The following ATP1B4 variants were observed in gnomAD, a reference collection of about 807,000 sequenced individuals.
The protein encoded by ATP1B4 is protein ATP1B4.
In ATP1B4, 32 loss-of-function variants were observed where a neutral mutation model predicts 29.6. That is an observed-to-expected ratio of 1.08 (90% confidence interval 0.82 to 1.45). The LOEUF (loss-of-function observed/expected upper bound fraction) is 1.45, where lower values mean the gene tolerates loss of function less well. Ranked by LOEUF, ATP1B4 falls within the 40% of genes most tolerant of loss-of-function variation. The pLI, the probability that ATP1B4 is intolerant of heterozygous loss-of-function variation, is 0.00. For synonymous variants in ATP1B4, 127 were observed against 102.1 expected (o/e 1.24, Z -1.47); for missense variants, 323 against 276.2 (o/e 1.17, Z -1.20).
rs1000848189 is a variant in ATP1B4 at position 120,378,769 on chromosome X, C to T, written c.908C>T (p.Thr303Ile). 8.3e-7 allele frequency: 1 copy of T among 1,204,880 alleles called. No individual in the cohort carries two copies. Among genetic ancestry groups the T allele is most frequent in the African/African-American group, 1.7e-5 (1 of 57,619 alleles). ...TACTACCCTTACTACGGCAAACTGA[C>T]TCACGTAAGCTGTATTCCCTTTAGT... ...LRYYPYYGKL[T>I]HVNYTSPLVA... The change falls in exon 7 of 8, where the codon ACT becomes ATT. Residue 303 changes from threonine to isoleucine, a missense_variant. Thr to Ile is a moderately conservative substitution (Grantham distance 89). Transcript: ENST00000218008.
chrX:120,365,480 G>C (rs892296006), intron 1 of ATP1B4, among the ~76,000 whole-genome samples: 3 of 112,241 alleles, frequency 2.7e-5, no homozygotes, highest in African/African-American at 3.2e-5. Flanking sequence ...AGGCCGGGAG[G>C]GGGCAGCACA....
At position 120,379,578 on chromosome X, in the gene ATP1B4, G is replaced by A; in HGVS notation, c.1018G>A (p.Val340Ile). ...GAAGGGCAAAGGCGTCATAAATGAT[G>A]TCATCAATGATCGTTTTGTGGGCAG... ...QLKGKGVIND[V>I]INDRFVGRVI... The change falls in exon 8 of 8, where the codon GTC becomes ATC. Residue 340 changes from valine (V) to isoleucine (I), a missense_variant. By Grantham distance (29) the Val-to-Ile change is conservative. Transcript: ENST00000218008. 1.7e-6 allele frequency: 2 copies of A among 1,210,984 alleles called. No homozygotes were observed. The highest frequency in any genetic ancestry group is 2.2e-6 in the Non-Finnish European group (2 of 895,084).
chrX:120,376,577 T>C, intron 6 of ATP1B4, 141 bp downstream of exon 6: 1 of 513,701 alleles, frequency 1.9e-6, no homozygotes, highest in Non-Finnish European at 3.2e-6. Flanking sequence ...CTTTAGTTCC[T>C]TCAGGTTTTC....
chrX:120,376,220 G>A (rs2058354239), intron 5 of ATP1B4, among the ~76,000 whole-genome samples, 160 bp from the exon 6 acceptor site: 1 of 111,532 alleles, frequency 9.0e-6, no homozygotes, highest in Non-Finnish European at 1.9e-5. Context: ...CTCTGAAGAT[G>A]TTTTTCATTT....
At position 120,366,819 on chromosome X, in the gene ATP1B4, CTGGTGTCCTT is replaced by C. The variant is rs758675268; in HGVS notation, c.328+33_328+42del. 7.5e-6 allele frequency: 9 copies of C among 1,192,453 alleles called. No individual in the cohort carries two copies. The South Asian group carries it at 1.7e-4, about 22-fold the overall frequency. On this transcript the variant is annotated intron_variant, in intron 2 of 7. Transcript: ENST00000218008. ...GTCCCAATAGTCCCAATGCCAAAGT[CTGGTGTCCTT>C]TGCTTTTGGTGTGGTGTTCAGGGCT...
At chrX:120,367,624 G>GA (rs1336751684) in intron 2 of ATP1B4, among the ~76,000 whole-genome samples, 1 of 111,072 alleles carries the variant, frequency 9.0e-6, no homozygotes, top group Non-Finnish European at 1.9e-5. Context: ...TGCTGGTTTG[G>GA]AAATCAGTCA....
In ATP1B4 at chrX:120,375,514, C is replaced by G; in HGVS notation, c.705C>G (p.Asp235Glu). 8.3e-7 allele frequency: 1 copy of G among 1,210,946 alleles called. No homozygotes were observed. The highest frequency in any genetic ancestry group is 1.8e-5 in the South Asian group (1 of 56,859). The change falls in exon 5 of 8, where the codon GAC becomes GAG. Residue 235 changes from aspartate to glutamate, a missense_variant. Physicochemically the swap from Asp to Glu is conservative, Grantham distance 45 (BLOSUM62 2). Transcript: ENST00000218008. ...TAAAGAACTGCTCTGGTCTGGAGGA[C>G]CCAACTTTTGGATACTCTACTGGAC... ...SFLKNCSGLE[D>E]PTFGYSTGQP...
At chrX:120,378,947 T>C (rs909337448) in intron 7 of ATP1B4, among the ~76,000 whole-genome samples, 174 bp downstream of exon 7, 1 of 111,047 alleles carries the variant, frequency 9.0e-6, no homozygotes, top group Non-Finnish European at 1.9e-5. Flanking sequence ...CCTTTCCATA[T>C]CTGAAAGAAT....
intron 6 of ATP1B4, among the ~76,000 whole-genome samples, chrX:120,377,728 T>A (rs1180374277): frequency 8.9e-6 from 1 of 111,768 alleles, no homozygotes; most frequent in East Asian, 2.8e-4. Context: ...TATGTCCTTT[T>A]AAAAAATATA....
chrX:120,375,689 GTATCATAAATACAAATAAC>G, intron 5 of ATP1B4, 121 bp downstream of exon 5: 7 of 546,977 alleles, frequency 1.3e-5, no homozygotes, highest in Non-Finnish European at 1.7e-5. Flanking sequence ...TTTTCTGACA[GTATCATAAATACAAATAAC>G]CAGATAAACC....
At position 120,378,709 on chromosome X, in the gene ATP1B4, G is replaced by C; in HGVS notation, c.848G>C (p.Ser283Thr). 6 of 1,211,199 alleles carry C rather than the reference G, an allele frequency of 5.0e-6. No homozygotes were observed. Among genetic ancestry groups the C allele is most frequent in the Non-Finnish European group, 6.7e-6 (6 of 895,204 alleles). ...GATGAAAATGACATCCGATCCATCA[G>C]TTACTACCCAGAGTCGGCTTCTTTT... ...RGDENDIRSI[S>T]YYPESASFDL... is the part of the protein sequence containing the mutation. Residue 283 changes from serine to threonine, a missense_variant, in exon 7 of 8, where the codon AGT (serine) becomes ACT (threonine). By Grantham distance (58) the Ser-to-Thr change is moderately conservative (BLOSUM62 1). Transcript: ENST00000218008.
intron 4 of ATP1B4, among the ~76,000 whole-genome samples, chrX:120,371,810 A>C (rs1051984769): frequency 4.5e-5 from 5 of 112,082 alleles, no homozygotes; most frequent in African/African-American, 1.6e-4. Context: ...CTGGGACTAC[A>C]TGTGCGTGCC....
intron 5 of ATP1B4, 100 bp downstream of exon 5, chrX:120,375,668 G>A (rs2058350262): frequency 2.8e-6 from 2 of 703,800 alleles, no homozygotes; most frequent in Admixed American, 3.4e-5. Flanking sequence ...ACACACCACA[G>A]GTTTGGCCAT....
At chrX:120,367,244 A>G (rs1270824589) in intron 2 of ATP1B4, among the ~76,000 whole-genome samples, 2 of 111,977 alleles carry the variant, frequency 1.8e-5, no homozygotes, top group Non-Finnish European at 3.8e-5. Flanking sequence ...AGTTTAAAGA[A>G]CTATGCAGAA....
intron 7 of ATP1B4, 81 bp downstream of exon 7, chrX:120,378,854 AGGG>A: frequency 1.1e-6 from 1 of 885,123 alleles, no homozygotes; most frequent in South Asian, 2.1e-5. Flanking sequence ...TATGAGAATT[AGGG>A]AGCAGGAGAT....
At chrX:120,370,894 T>G in intron 3 of ATP1B4, 51 bp downstream of exon 3, 2 of 1,181,173 alleles carry the variant, frequency 1.7e-6, no homozygotes, top group Non-Finnish European at 2.3e-6. Context: ...GACAGAAATA[T>G]GCTTGCACAG....
At position 120,375,383 on chromosome X, in the gene ATP1B4, A is replaced by G. The variant is rs2058347637; in HGVS notation, c.574A>G (p.Ser192Gly). The G allele has an allele frequency of 8.3e-7, 1 of 1,208,101 alleles. No homozygotes were observed. Among genetic ancestry groups the G allele is most frequent in the East Asian group, 3.0e-5 (1 of 33,751 alleles). ...LNGFLQGYND[S>G]LQEEMNVDCP... is the part of the protein sequence containing the mutation. ...CACACATGCTTTAGGTTATAATGACAGTCTTCAAGAGGAAATGAATGTAGA... is the reference window on the plus strand; with the variant it reads ...CACACATGCTTTAGGTTATAATGACGGTCTTCAAGAGGAAATGAATGTAGA... The change falls in exon 5 of 8, where the codon AGT becomes GGT. Residue 192 changes from serine (S) to glycine (G), a missense_variant. Physicochemically the swap from Ser to Gly is moderately conservative, Grantham distance 56. Coordinates refer to ENST00000218008, the MANE Select transcript of ATP1B4 (RefSeq NM_001142447.3).
chrX:120,370,637 T>A, intron 2 of ATP1B4, 78 bp from the exon 3 acceptor site: 1 of 1,152,862 alleles, frequency 8.7e-7, no homozygotes, highest in Non-Finnish European at 1.2e-6. Flanking sequence ...GTTGGGTTTG[T>A]TCTGGTTCAT....
intron 5 of ATP1B4, 108 bp downstream of exon 5, chrX:120,375,676 C>A (rs1379834185): frequency 3.1e-6 from 2 of 645,725 alleles, no homozygotes; most frequent in Admixed American, 6.9e-5. Flanking sequence ...CAGGTTTGGC[C>A]ATTTTTCTGA....
Sources: gnomAD v4.1 joint callset for allele counts (sites outside exome capture counted in the v4.1 genomes callset) on GRCh38, gnomAD v4.1.1 for gene constraint, MANE v1.5 for transcripts, NCBI Gene and HGNC (gene_info 2026-07-23, HGNC 2026-07-21) for gene names.